The following BMPER variants were observed in gnomAD, a reference collection of about 807,000 sequenced individuals.
BMPER encodes the protein BMP-binding endothelial regulator protein.
In BMPER, 45 loss-of-function variants were observed where a neutral mutation model predicts 87.3. The ratio of observed to expected loss-of-function variants is 0.52; its 90% CI spans 0.41 to 0.66. The LOEUF (loss-of-function observed/expected upper bound fraction) is 0.66. Among genes scored for constraint, BMPER ranks in the 30% least tolerant of loss-of-function variants. BMPER has a pLI of 0.00. For synonymous variants in BMPER, 326 were observed against 316.2 expected (o/e 1.03, Z -0.33); for missense variants, 784 against 867.5 (o/e 0.90, Z 1.21).
chr7:33,953,170 T>TG (rs1261493392), intron 3 of BMPER, among the ~76,000 whole-genome samples: 1 of 152,200 alleles, frequency 6.6e-6, no homozygotes, highest in African/African-American at 2.4e-5. Flanking sequence ...ATGGCCACCT[T>TG]GATGAGGCTG....
chr7:34,064,072 C>T (rs148169260), intron 11 of BMPER, among the ~76,000 whole-genome samples: 1 of 152,246 alleles, frequency 6.6e-6, no homozygotes. Context: ...GGGCAGATCA[C>T]TTGAGGGCAG....
At chr7:34,011,583 CAA>C (rs36022297) in intron 6 of BMPER, among the ~76,000 whole-genome samples, 1,039 of 45,682 alleles carry the variant, frequency 0.023, 3 homozygotes, top group African/African-American at 0.066. Context: ...TTGGTCAGGG[CAA>C]AAAAAAAAAA....
intron 2 of BMPER, among the ~76,000 whole-genome samples, chr7:33,920,200 C>G (rs1017275241): frequency 2.6e-5 from 4 of 152,118 alleles, no homozygotes; most frequent in African/African-American, 9.7e-5. Context: ...CTTGTCTTCT[C>G]TCACACAGTT....
chr7:33,919,449 C>G (rs1400560462), intron 2 of BMPER, among the ~76,000 whole-genome samples: 1 of 152,170 alleles, frequency 6.6e-6, no homozygotes, highest in African/African-American at 2.4e-5. Flanking sequence ...AGTAAAATGC[C>G]TCTCAATCTG....
intron 2 of BMPER, among the ~76,000 whole-genome samples, chr7:33,910,202 T>C (rs933274396): frequency 1.3e-5 from 2 of 152,220 alleles, no homozygotes; most frequent in African/African-American, 4.8e-5. Flanking sequence ...AACTTTTCCC[T>C]ACCTTACAAA....
At chr7:34,149,573 G>A (rs1173648617) in intron 14 of BMPER, among the ~76,000 whole-genome samples, 3 of 152,080 alleles carry the variant, frequency 2.0e-5, no homozygotes. Context: ...AGAAAACAAT[G>A]TCGGGGGGAG....
At chr7:33,998,768 G>A (rs1786492584) in intron 6 of BMPER, among the ~76,000 whole-genome samples, 2 of 152,210 alleles carry the variant, frequency 1.3e-5, no homozygotes, top group African/African-American at 2.4e-5. Flanking sequence ...GTGATCCCCC[G>A]GCTGCCGAAG....
intron 13 of BMPER, among the ~76,000 whole-genome samples, chr7:34,118,522 C>T (rs1790175009): frequency 1.3e-5 from 2 of 152,036 alleles, no homozygotes; most frequent in African/African-American, 4.8e-5. Context: ...GAGGGGGAAG[C>T]ATTACCTTGG....
intron 13 of BMPER, among the ~76,000 whole-genome samples, chr7:34,098,674 A>G (rs1402038606): frequency 1.3e-5 from 2 of 152,156 alleles, no homozygotes; most frequent in Non-Finnish European, 2.9e-5. Flanking sequence ...CTGCTGAAAG[A>G]ACCTGGGCCA....
intron 6 of BMPER, among the ~76,000 whole-genome samples, chr7:33,986,408 A>G (rs935949722): frequency 2.0e-5 from 3 of 152,226 alleles, no homozygotes; most frequent in Non-Finnish European, 4.4e-5. Flanking sequence ...AACAGTGAAT[A>G]TTTGGCTAAA....
intron 2 of BMPER, among the ~76,000 whole-genome samples, chr7:33,920,169 C>G (rs1784185600): frequency 6.6e-6 from 1 of 152,170 alleles, no homozygotes; most frequent in African/African-American, 2.4e-5. Context: ...CCCTTCCTCC[C>G]TCAAGTAGCC....
At chr7:33,985,601 C>T (rs568674118) in intron 6 of BMPER, among the ~76,000 whole-genome samples, 1 of 152,080 alleles carries the variant, frequency 6.6e-6, no homozygotes, top group South Asian at 2.1e-4. Context: ...ATTCCCACTC[C>T]AATAATCAGT....
chr7:33,912,428 TG>T (rs1278666662), intron 2 of BMPER, among the ~76,000 whole-genome samples: 1 of 152,226 alleles, frequency 6.6e-6, no homozygotes, highest in Admixed American at 6.5e-5. Flanking sequence ...CTGTTTATTT[TG>T]TTTTGAGGCA....
At chr7:34,084,183 C>A (rs905491604) in intron 12 of BMPER, among the ~76,000 whole-genome samples, 1 of 152,120 alleles carries the variant, frequency 6.6e-6, no homozygotes, top group African/African-American at 2.4e-5. Context: ...CACTTGTAGT[C>A]CCAGCTACTC....
At chr7:34,098,439 G>T (rs1406142550) in intron 13 of BMPER, among the ~76,000 whole-genome samples, 1 of 152,132 alleles carries the variant, frequency 6.6e-6, no homozygotes, top group Admixed American at 6.5e-5. Context: ...CTGGTCAATG[G>T]GCACAGATTG....
chr7:33,920,940 CT>C (rs1336448418), intron 2 of BMPER, among the ~76,000 whole-genome samples: 1 of 152,142 alleles, frequency 6.6e-6, no homozygotes, highest in East Asian at 1.9e-4. Context: ...CGTAATGTTG[CT>C]TTCGTGGAAC....
chr7:33,938,223 A>G (rs141684478), intron 3 of BMPER, among the ~76,000 whole-genome samples: 111 of 152,278 alleles, frequency 7.3e-4, no homozygotes, highest in Non-Finnish European at 1.2e-3. Flanking sequence ...ACATTAGCCC[A>G]GTGTTCAGGG....
At chr7:33,941,026 AATTTATAT>A (rs1425557482) in intron 3 of BMPER, among the ~76,000 whole-genome samples, 1 of 134,546 alleles carries the variant, frequency 7.4e-6, no homozygotes, top group African/African-American at 2.8e-5. Flanking sequence ...ATTTACATAT[AATTTATAT>A]ATTTATATAT....
chr7:33,981,727 C>G (rs1785867309), intron 6 of BMPER, among the ~76,000 whole-genome samples: 1 of 152,164 alleles, frequency 6.6e-6, no homozygotes, highest in Non-Finnish European at 1.5e-5. Context: ...CCACCCACAC[C>G]AAACATTTAG....
Sources: allele counts gnomAD v4.1 joint callset (sites outside exome capture counted in the v4.1 genomes callset), GRCh38; gene constraint gnomAD v4.1.1; transcripts MANE v1.5; gene names NCBI Gene and HGNC (gene_info 2026-07-23, HGNC 2026-07-21).